SMARCAL1: variants seen among roughly 807,000 people sequenced by gnomAD.
SMARCAL1 encodes the protein SNF2 related chromatin remodeling annealing helicase 1.
A neutral mutation model predicts 94.5 loss-of-function variants in SMARCAL1; 58 were observed. The ratio of observed to expected loss-of-function variants is 0.61; its 90% confidence interval spans 0.50 to 0.76. The LOEUF is 0.76. Among genes scored for constraint, SMARCAL1 ranks in the 30% least tolerant of loss-of-function variants. The pLI is 0.00. For synonymous variants in SMARCAL1, 422 were observed against 455.1 expected (o/e 0.93, Z 0.93); for missense variants, 1,051 against 1,177.9 (o/e 0.89, Z 1.58).
intron 5 of SMARCAL1, among the ~76,000 whole-genome samples, chr2:216,423,150 A>T (rs1693761707): frequency 6.6e-6 from 1 of 152,210 alleles, no homozygotes; most frequent in African/African-American, 2.4e-5. Context: ...GCCAAAATTG[A>T]AACTTTGGCA....
chr2:216,432,787 C>T lies in SMARCAL1; in HGVS notation c.1404C>T (p.Ala468=), dbSNP rs780688613. 6 of 1,614,236 alleles carry T rather than the reference C, an allele frequency of 3.7e-6. No individual in the cohort carries two copies. The highest frequency in any genetic ancestry group is 5.1e-6 in the Non-Finnish European group (6 of 1,180,044). The change falls in exon 8 of 18, where the codon GCC becomes GCT. Residue 468 remains alanine (A), a synonymous_variant. Coordinates refer to ENST00000357276, the MANE Select transcript of SMARCAL1 (RefSeq NM_014140.4). The part of the protein sequence containing the change: ...DDMGLGKTIQ[A]ICIAAFYRKE... Reference sequence around the variant, plus strand: ...TGGGCCTGGGGAAGACCATCCAAGCCATCTGCATCGCAGCCTTTTACCGGA... The same window carrying T: ...TGGGCCTGGGGAAGACCATCCAAGCTATCTGCATCGCAGCCTTTTACCGGA...
Position 216,477,136 on chromosome 2 carries a change from C to A in SMARCAL1, c.2455C>A (p.His819Asn). 1 of 1,590,306 alleles carries A rather than the reference C, an allele frequency of 6.3e-7. No individual in the cohort carries two copies. The highest frequency in any genetic ancestry group is 8.6e-7 in the Non-Finnish European group (1 of 1,168,370). ...GVLIQAEDRVHRIGQTSSVGI... is the reference protein window; with the variant it reads ...GVLIQAEDRVNRIGQTSSVGI... ...GCTGATCCAGGCTGAGGACCGCGTG[C>A]ACCGCATTGGACAGACCAGCTCCGT... The change falls in exon 16 of 18, where the codon CAC becomes AAC. Residue 819 changes from histidine (H) to asparagine (N), a missense_variant. Transcript: ENST00000357276.
intron 8 of SMARCAL1, 141 bp from the exon 9 acceptor site, chr2:216,435,197 T>C: frequency 1.2e-5 from 10 of 826,676 alleles, no homozygotes; most frequent in Non-Finnish European, 2.0e-5. Flanking sequence ...AGTGTCCTGT[T>C]AGTGGCAAGT....
In SMARCAL1 at chr2:216,482,835, C is replaced by T. The variant is rs1695230553; in HGVS notation, c.2723C>T (p.Pro908Leu). ...ELLEAAESFD[P>L]GSASGTSGSS... ...CTGGAAGCAGCAGAGTCCTTTGACCCAGGAAGTGCTTCAGGAACATCTGGA... is the reference window on the plus strand; with the variant it reads ...CTGGAAGCAGCAGAGTCCTTTGACCTAGGAAGTGCTTCAGGAACATCTGGA... Residue 908 changes from proline (P) to leucine (L), a missense_variant, in exon 18 of 18, where the codon CCA becomes CTA. Physicochemically the swap from Pro to Leu is moderately conservative, Grantham distance 98. This residue lies in a region of SMARCAL1 where 642 missense variants were observed against 754.7 expected (regional missense o/e 0.85). Transcript: ENST00000357276. The surrounding 1 kb of genome is among the most constrained non-coding windows in gnomAD (Gnocchi z 4.3). 2 of 1,614,106 alleles carry T rather than the reference C, an allele frequency of 1.2e-6. No homozygotes were observed. The highest frequency in any genetic ancestry group is 3.3e-5 in the Admixed American group (2 of 60,008).
intron 9 of SMARCAL1, among the ~76,000 whole-genome samples, chr2:216,435,758 C>T (rs1043059596): frequency 1.3e-5 from 2 of 152,108 alleles, no homozygotes; most frequent in Non-Finnish European, 2.9e-5. Context: ...ATTTCTAGCT[C>T]ATCTCTTTCC....
chr2:216,449,475 CACTA>C (rs543995209), intron 11 of SMARCAL1, among the ~76,000 whole-genome samples: 2 of 152,070 alleles, frequency 1.3e-5, no homozygotes, highest in Non-Finnish European at 2.9e-5. Flanking sequence ...ATTTGCAAAC[CACTA>C]ACTATCTGAA....
At position 216,432,850 on chromosome 2, in the gene SMARCAL1, G is replaced by T. The variant is rs145525014; in HGVS notation, c.1467G>T (p.Val489=). 6.2e-7 allele frequency: 1 copy of T among 1,614,208 alleles called. No homozygotes were observed. Among genetic ancestry groups the T allele is most frequent in the Admixed American group, 1.7e-5 (1 of 60,028 alleles). The change falls in exon 8 of 18, where the codon GTG becomes GTT. Residue 489 remains valine (V), a synonymous_variant. Coordinates refer to ENST00000357276, the MANE Select transcript of SMARCAL1 (RefSeq NM_014140.4). ...WPLLVVVPSS[V]RFTWEQAFLR... ...TCCTGGTGGTGGTGCCATCCTCCGT[G>T]CGCTTCACCTGGGAGCAGGTTAATG...
chr2:216,413,401 G>A (rs1293700445), intron 1 of SMARCAL1, among the ~76,000 whole-genome samples: 3 of 152,064 alleles, frequency 2.0e-5, no homozygotes, highest in South Asian at 2.1e-4. Context: ...TAAATGTTCC[G>A]GGTAAATTCA....
chr2:216,415,336 CAG>C lies in SMARCAL1; in HGVS notation c.637_638del (p.Ser213CysfsTer50). 6.2e-7 allele frequency: 1 copy of C among 1,614,256 alleles called. No homozygotes were observed. The highest frequency in any genetic ancestry group is 1.3e-5 in the African/African-American group (1 of 75,062). On this transcript the variant is annotated frameshift_variant, in exon 3 of 18. Coordinates refer to ENST00000357276, the MANE Select transcript of SMARCAL1 (RefSeq NM_014140.4). LOFTEE classifies it high-confidence loss of function. ...AACATTTCTTACATCCATTCTAGCT[CAG>C]AGAGTGTAACGCCCAGGACAGAAGG...
Position 216,415,524 on chromosome 2 carries a change from T to C in SMARCAL1, c.811+9T>C, listed in dbSNP as rs1216438158. 6 of 1,595,522 alleles carry C rather than the reference T, an allele frequency of 3.8e-6. No homozygotes were observed. In the Admixed American group the frequency reaches 1.0e-4, roughly 27 times the overall value. ...GCCCAGCAAGAATTATGGTAATGTC[T>C]TCATTTTTCAGCTGTTTTTTTTTTT... On this transcript the variant is annotated intron_variant, in intron 3 of 17. Transcript: ENST00000357276.
At chr2:216,424,081 A>G (rs1693780619) in intron 6 of SMARCAL1, among the ~76,000 whole-genome samples, 1 of 152,220 alleles carries the variant, frequency 6.6e-6, no homozygotes, top group African/African-American at 2.4e-5. Flanking sequence ...CTAGAACTGG[A>G]TGGGATGATC....
chr2:216,461,319 A>G (rs1251138753), intron 12 of SMARCAL1, among the ~76,000 whole-genome samples: 5 of 151,990 alleles, frequency 3.3e-5, no homozygotes, highest in African/African-American at 1.2e-4. Context: ...TTTGGCATAT[A>G]TAATTTGAGT....
intron 14 of SMARCAL1, among the ~76,000 whole-genome samples, chr2:216,474,189 G>T (rs1368362341): frequency 1.5e-5 from 2 of 136,998 alleles, no homozygotes; most frequent in Non-Finnish European, 3.1e-5. Flanking sequence ...ACCCAGGCAG[G>T]AGTGCAGTGG....
intron 4 of SMARCAL1, among the ~76,000 whole-genome samples, chr2:216,417,808 C>G (rs995281596): frequency 6.6e-6 from 1 of 152,212 alleles, no homozygotes; most frequent in Non-Finnish European, 1.5e-5. Context: ...TGATCTTAAA[C>G]CAGTGGTTTC....
chr2:216,415,324 T>C lies in SMARCAL1; in HGVS notation c.620T>C (p.Ile207Thr). 6.2e-7 allele frequency: 1 copy of C among 1,614,192 alleles called. No individual in the cohort carries two copies. Among genetic ancestry groups the C allele is most frequent in the Non-Finnish European group, 8.5e-7 (1 of 1,180,034 alleles). The change falls in exon 3 of 18, where the codon ATC becomes ACC. Residue 207 changes from isoleucine (I) to threonine (T), a missense_variant. Transcript: ENST00000357276. ...CCTTCGGGGCAGAACATTTCTTACATCCATTCTAGCTCAGAGAGTGTAACG... is the reference window on the plus strand; with the variant it reads ...CCTTCGGGGCAGAACATTTCTTACACCCATTCTAGCTCAGAGAGTGTAACG... ...ASPSGQNISY[I>T]HSSSESVTPR...
In SMARCAL1 at chr2:216,480,401, C is replaced by A. The variant is rs948890677; in HGVS notation, c.2625+2102C>A. 4.6e-5 allele frequency among the ~76,000 whole-genome samples: 7 copies of A among 152,116 alleles called. No individual in the cohort carries two copies. In the East Asian group the frequency reaches 1.3e-3, roughly 29 times the overall value. ...CGCTTCCAATTAATTATGCATGCCC[C>A]GAGTCAGCATACAGTGTTGCCATCA... On this transcript the variant is annotated intron_variant, in intron 17 of 17. Transcript: ENST00000357276.
At chr2:216,442,565 A>G (rs17558354) in intron 10 of SMARCAL1, among the ~76,000 whole-genome samples, 14,661 of 152,214 alleles carry the variant, frequency 0.096, 873 homozygotes, top group South Asian at 0.18. Flanking sequence ...CCATAAAATA[A>G]CCTGCACCTA....
rs1694329490 is a variant in SMARCAL1 at position 216,446,986 on chromosome 2, G to A, written c.1711-32G>A. The A allele has an allele frequency of 1.9e-6, 3 of 1,613,816 alleles. No individual in the cohort carries two copies. The South Asian group carries it at 3.3e-5, about 18-fold the overall frequency. ...ACATTTCCTGTGTGCTCCTCCCTGT[G>A]TTCAGAGCACCTTTGGCTGTTTGTC... is the stretch of plus-strand genomic sequence containing the variant. On this transcript the variant is annotated intron_variant, in intron 10 of 17. Coordinates refer to ENST00000357276, the MANE Select transcript of SMARCAL1 (RefSeq NM_014140.4).
chr2:216,433,487 G>A (rs1242173708), intron 8 of SMARCAL1, among the ~76,000 whole-genome samples: 2 of 152,198 alleles, frequency 1.3e-5, no homozygotes, highest in East Asian at 3.8e-4. Flanking sequence ...ATGAGAAAAT[G>A]GAATCTCAGA....
Sources: allele counts gnomAD v4.1 joint callset (sites outside exome capture counted in the v4.1 genomes callset), GRCh38; gene constraint gnomAD v4.1.1; regional missense constraint gnomAD v4.1.1; non-coding constraint Gnocchi (gnomAD v3.1); transcripts MANE v1.5; gene names NCBI Gene and HGNC (gene_info 2026-07-23, HGNC 2026-07-21).